The following SDK1 variants were observed in gnomAD, a reference collection of about 807,000 sequenced individuals.
SDK1 encodes the protein sidekick cell adhesion molecule 1.
In SDK1, 157 loss-of-function variants were observed where a neutral mutation model predicts 245.5. The observed-to-expected ratio is 0.64, with a 90% CI of 0.56 to 0.73. The LOEUF (loss-of-function observed/expected upper bound fraction) is 0.73, where lower values mean the gene tolerates loss of function less well. Among genes scored for constraint, SDK1 ranks in the 30% least tolerant of loss-of-function variants. The pLI, the probability that SDK1 is intolerant of heterozygous loss-of-function variation, is 0.00. For missense variants in SDK1, 3,583 were observed against 3,002.3 expected (o/e 1.19, Z -4.52); for synonymous variants, 1,647 against 1,278.5 (o/e 1.29, Z -6.15).
intron 4 of SDK1, among the ~76,000 whole-genome samples, chr7:3,727,519 C>A (rs943710374): frequency 1.3e-5 from 2 of 152,120 alleles, no homozygotes; most frequent in Non-Finnish European, 2.9e-5. Context: ...GAGACGGAGC[C>A]TCGCTCTGTC....
At chr7:4,206,297 G>T (rs980336682) in intron 36 of SDK1, among the ~76,000 whole-genome samples, 2 of 152,214 alleles carry the variant, frequency 1.3e-5, no homozygotes, top group Non-Finnish European at 2.9e-5. Flanking sequence ...GCCTGGCTGG[G>T]GAACCCTTCC....
chr7:3,609,746 GC>G (rs1781534105), intron 1 of SDK1, among the ~76,000 whole-genome samples: 2 of 144,964 alleles, frequency 1.4e-5, no homozygotes, highest in East Asian at 4.2e-4. Flanking sequence ...CCTTACCCAG[GC>G]TAGAGTGCAG....
At position 3,969,330 on chromosome 7, in the gene SDK1, C is replaced by A. The variant is rs774589584; in HGVS notation, c.1620C>A (p.Ile540=). The A allele has an allele frequency of 1.9e-6, 3 of 1,611,100 alleles. No homozygotes were observed. The African/African-American group carries it at 4.0e-5, about 21-fold the overall frequency. The change falls in exon 11 of 45, where the codon ATC becomes ATA. Residue 540 remains isoleucine (I), a synonymous_variant. Transcript: ENST00000404826. ...FMLLESGGLQ[I]APVFIQDAGN... Reference sequence around the variant, plus strand: ...TTCTTGAATCGGGGGGTCTACAGATCGCGCCCGTCTTCATCCAGGATGCCG... The same window carrying A: ...TTCTTGAATCGGGGGGTCTACAGATAGCGCCCGTCTTCATCCAGGATGCCG...
At chr7:3,642,126 A>G (rs747621369) in intron 4 of SDK1, 21 bp downstream of exon 4, 5 of 1,611,844 alleles carry the variant, frequency 3.1e-6, no homozygotes, top group African/African-American at 2.7e-5. Context: ...CCAAACGTTA[A>G]AGCTTCAAAT....
chr7:3,703,516 A>C (rs1225828324), intron 4 of SDK1, among the ~76,000 whole-genome samples: 1 of 152,178 alleles, frequency 6.6e-6, no homozygotes, highest in African/African-American at 2.4e-5. Flanking sequence ...TGGTGATGGC[A>C]GTTTTGTGGC....
At chr7:3,769,445 A>G (rs1020718909) in intron 4 of SDK1, among the ~76,000 whole-genome samples, 2 of 152,154 alleles carry the variant, frequency 1.3e-5, no homozygotes, top group Admixed American at 1.3e-4. Context: ...CCTTTAATCC[A>G]TCCACTCATT....
chr7:3,754,884 C>T (rs906839118), intron 4 of SDK1, among the ~76,000 whole-genome samples: 24 of 152,286 alleles, frequency 1.6e-4, no homozygotes, highest in African/African-American at 5.8e-4. Context: ...AGCACAGGGG[C>T]CTTCACCAGC....
rs911519846 is a variant in SDK1 at position 3,509,067 on chromosome 7, G to GGT, written c.299-109997_299-109996dup. Among the ~76,000 whole-genome samples, 100 of 143,468 alleles carry GGT rather than the reference G, an allele frequency of 7.0e-4. 1 individual carries two copies. The highest frequency in any genetic ancestry group is 1.8e-3 in the African/African-American group (68 of 37,694). 94.1% of individuals were successfully genotyped at this position (143,468 alleles called of 152,430 possible). On this transcript the variant is annotated intron_variant, in intron 1 of 44. Transcript: ENST00000404826. The stretch of plus-strand genomic sequence containing the variant: ...TATCAGGGCAGCCTAAGGAAGGTGG[G>GGT]GTGTGTGTGTGTGTGTGCGTGTGTG...
intron 13 of SDK1, among the ~76,000 whole-genome samples, chr7:3,984,359 C>T (rs1403158128): frequency 6.6e-6 from 1 of 152,160 alleles, no homozygotes; most frequent in Non-Finnish European, 1.5e-5. Flanking sequence ...TGGGTTGTTT[C>T]TGTGTGCACT....
At chr7:4,145,992 C>A in intron 29 of SDK1, 76 bp downstream of exon 29, 1 of 1,334,410 alleles carries the variant, frequency 7.5e-7, no homozygotes, top group Non-Finnish European at 1.0e-6. Flanking sequence ...CTGGGGTCTG[C>A]GGGGTACCTG....
chr7:4,205,001 T>C (rs1280792675), intron 35 of SDK1, among the ~76,000 whole-genome samples: 1 of 152,022 alleles, frequency 6.6e-6, no homozygotes, highest in Non-Finnish European at 1.5e-5. Context: ...AATGGCGGTG[T>C]GGTAAGGCGC....
chr7:3,586,178 C>G (rs576572558), intron 1 of SDK1, among the ~76,000 whole-genome samples: 48 of 151,674 alleles, frequency 3.2e-4, no homozygotes, highest in South Asian at 6.3e-4. Flanking sequence ...GTGCCACACC[C>G]AGAGGTGCCT....
intron 40 of SDK1, among the ~76,000 whole-genome samples, chr7:4,231,079 C>A (rs1359385966): frequency 1.3e-5 from 2 of 152,106 alleles, no homozygotes; most frequent in African/African-American, 4.8e-5. Context: ...CCTTCCCTGA[C>A]CATTCTTAAG....
intron 1 of SDK1, among the ~76,000 whole-genome samples, chr7:3,556,375 A>G (rs1402100578): frequency 6.6e-6 from 1 of 152,158 alleles, no homozygotes; most frequent in African/African-American, 2.4e-5. Flanking sequence ...TCATGGAGAT[A>G]AAGGGTAGAA....
chr7:3,940,435 C>T (rs1780315341), intron 5 of SDK1, among the ~76,000 whole-genome samples: 1 of 152,190 alleles, frequency 6.6e-6, no homozygotes, highest in Admixed American at 6.5e-5. Context: ...CCTGAAAATG[C>T]CTGTTCGTTT....
chr7:4,244,460 C>G (rs1786715087), intron 43 of SDK1, among the ~76,000 whole-genome samples: 1 of 152,190 alleles, frequency 6.6e-6, no homozygotes, highest in Non-Finnish European at 1.5e-5. Context: ...CAATGTTGTA[C>G]TCAGAGTTTT....
chr7:3,996,754 C>T (rs954324972), intron 14 of SDK1, among the ~76,000 whole-genome samples: 1 of 152,268 alleles, frequency 6.6e-6, no homozygotes, highest in African/African-American at 2.4e-5. Context: ...CTCTTCTTTG[C>T]TTTCAAGGTA....
chr7:3,520,488 G>C (rs181899738), intron 1 of SDK1, among the ~76,000 whole-genome samples: 73 of 152,244 alleles, frequency 4.8e-4, no homozygotes, highest in Middle Eastern at 3.4e-3. Flanking sequence ...CCTGAATCCT[G>C]TTAAAGAAAA....
rs1465816985 is a variant in SDK1, at chr7:3,642,071, A to G, written c.679A>G (p.Arg227Gly). The G allele has an allele frequency of 9.3e-6, 15 of 1,614,182 alleles. No individual in the cohort carries two copies. In the East Asian group the frequency reaches 3.1e-4, roughly 34 times the overall value. Reference protein sequence around the residue: ...SYPRPQVTWFREGHKIIPSNR... With the variant: ...SYPRPQVTWFGEGHKIIPSNR... The stretch of plus-strand genomic sequence containing the variant: ...CCCCAGACCTCAAGTGACTTGGTTT[A>G]GAGAAGGGCACAAGATTATTCCAAG... The change falls in exon 4 of 45, where the codon AGA becomes GGA. Residue 227 changes from arginine (R) to glycine (G), a missense_variant. Coordinates refer to ENST00000404826, the MANE Select transcript of SDK1 (RefSeq NM_152744.4).
Sources: gnomAD v4.1 joint callset for allele counts (sites outside exome capture counted in the v4.1 genomes callset) on GRCh38, gnomAD v4.1.1 for gene constraint, MANE v1.5 for transcripts, NCBI Gene and HGNC (gene_info 2026-07-23, HGNC 2026-07-21) for gene names.